Variants in TMTC1 observed in about 807,000 individuals in gnomAD.
TMTC1 encodes the protein transmembrane O-mannosyltransferase targeting cadherins 1, also known as protein O-mannosyl-transferase TMTC1.
TMTC1 carries 73 observed loss-of-function variants against 104.8 expected under a neutral mutation model. The observed-to-expected ratio is 0.70, with a 90% CI of 0.58 to 0.85. The LOEUF (loss-of-function observed/expected upper bound fraction) is 0.85, where lower values mean the gene tolerates loss of function less well. Ranked by LOEUF, TMTC1 falls within the 40% of genes least tolerant of loss-of-function variation. The pLI, the probability that TMTC1 is intolerant of heterozygous loss-of-function variation, is 0.00. For synonymous variants in TMTC1, 434 were observed against 428.7 expected (o/e 1.01, Z -0.15); for missense variants, 1,035 against 1,096.1 (o/e 0.94, Z 0.79).
At chr12:29,637,344 C>A (rs778786851) in intron 5 of TMTC1, among the ~76,000 whole-genome samples, 12 of 152,078 alleles carry the variant, frequency 7.9e-5, no homozygotes, top group Non-Finnish European at 1.5e-5. Context: ...ATCTCTGCCC[C>A]GCTGTGTTAT....
chr12:29,712,651 A>G (rs1473659340), intron 5 of TMTC1, among the ~76,000 whole-genome samples: 3 of 152,224 alleles, frequency 2.0e-5, no homozygotes, highest in Non-Finnish European at 4.4e-5. Context: ...CTGAATTCCC[A>G]TATTTCCTTC....
In TMTC1 at chr12:29,783,353, G is replaced by T; in HGVS notation, c.302+97C>A. 2 of 1,120,620 alleles carry T rather than the reference G, an allele frequency of 1.8e-6. No individual in the cohort carries two copies. Among genetic ancestry groups the T allele is most frequent in the Non-Finnish European group, 2.3e-6 (2 of 881,114 alleles). 69.4% of individuals were successfully genotyped at this position (1,120,620 alleles called of 1,614,324 possible). Reference sequence around the variant, plus strand: ...CGTGGAGGGAAAGGGCGGCAAAAATGAAATGCCCCCAAGTCAGTCCCGCAA... The same window carrying T: ...CGTGGAGGGAAAGGGCGGCAAAAATTAAATGCCCCCAAGTCAGTCCCGCAA... On this transcript the variant is annotated intron_variant, in intron 1 of 17. Coordinates refer to ENST00000539277, the MANE Select transcript of TMTC1 (RefSeq NM_001193451.2). The surrounding 1 kb of genome is among the most constrained non-coding windows in gnomAD (Gnocchi z 4.7).
intron 10 of TMTC1, among the ~76,000 whole-genome samples, chr12:29,536,640 GA>G (rs912910720): frequency 2.0e-5 from 3 of 152,190 alleles, no homozygotes; most frequent in Non-Finnish European, 4.4e-5. Flanking sequence ...TTGATCTTCA[GA>G]GGAACAATTT....
chr12:29,643,956 TA>T (rs2136563483), intron 5 of TMTC1, among the ~76,000 whole-genome samples: 1 of 113,406 alleles, frequency 8.8e-6, no homozygotes, highest in South Asian at 2.4e-4. Context: ...AATATATATT[TA>T]TATATACTTA....
chr12:29,509,786 T>C (rs762095840), intron 17 of TMTC1, among the ~76,000 whole-genome samples: 1 of 152,230 alleles, frequency 6.6e-6, no homozygotes, highest in Non-Finnish European at 1.5e-5. Flanking sequence ...TACTCAGCAC[T>C]AATTATATTT....
intron 16 of TMTC1, among the ~76,000 whole-genome samples, chr12:29,513,900 CAT>C (rs1290636902): frequency 5.9e-5 from 9 of 152,164 alleles, no homozygotes; most frequent in South Asian, 4.1e-4. Flanking sequence ...CACACACACA[CAT>C]ACGGGGGTTA....
At chr12:29,595,856 C>T (rs950686749) in intron 7 of TMTC1, among the ~76,000 whole-genome samples, 2 of 152,192 alleles carry the variant, frequency 1.3e-5, no homozygotes, top group African/African-American at 4.8e-5. Context: ...AAAGGAATAG[C>T]ATGAGAGGAA....
chr12:29,668,280 C>T (rs1166403476), intron 5 of TMTC1, among the ~76,000 whole-genome samples: 4 of 152,084 alleles, frequency 2.6e-5, no homozygotes, highest in African/African-American at 9.7e-5. Context: ...GCTGCATCCT[C>T]GCATGGCAGA....
At chr12:29,557,663 C>T (rs572734588) in intron 9 of TMTC1, among the ~76,000 whole-genome samples, 12 of 152,106 alleles carry the variant, frequency 7.9e-5, no homozygotes, top group East Asian at 5.8e-4. Context: ...TTGGCCAGGC[C>T]GGTCTCGAAC....
At chr12:29,659,351 A>G (rs1450753881) in intron 5 of TMTC1, among the ~76,000 whole-genome samples, 1 of 152,182 alleles carries the variant, frequency 6.6e-6, no homozygotes, top group Non-Finnish European at 1.5e-5. Context: ...AACCCTTATG[A>G]GTAGATTAAT....
At chr12:29,604,462 G>A (rs909313434) in intron 6 of TMTC1, among the ~76,000 whole-genome samples, 163 bp from the exon 7 acceptor site, 7 of 152,202 alleles carry the variant, frequency 4.6e-5, no homozygotes, top group Middle Eastern at 3.4e-3. Context: ...GAAAGCTGAC[G>A]GGCTAAAATG....
At chr12:29,613,966 G>T in intron 6 of TMTC1, 1 of 972,746 alleles carries the variant, frequency 1.0e-6, no homozygotes, top group Non-Finnish European at 1.2e-6. Flanking sequence ...CAGTCCCTTT[G>T]TTCTATAATC....
chr12:29,501,703 A>G lies in TMTC1; in HGVS notation c.*5143T>C, dbSNP rs527563745. ...AAATAGACATGTCTCTCCAGGTAGG[A>G]GTCAATGGTGATCTATGCTTACAAA... is the stretch of plus-strand genomic sequence containing the variant. On this transcript the variant is annotated 3_prime_UTR_variant, in exon 18 of 18. Coordinates refer to ENST00000539277, the MANE Select transcript of TMTC1 (RefSeq NM_001193451.2). 6.6e-6 allele frequency: 1 copy of G among 152,348 alleles called. No homozygotes were observed. Among genetic ancestry groups the G allele is most frequent in the South Asian group, 2.1e-4 (1 of 4,822 alleles). 9.4% of individuals were successfully genotyped at this position (152,348 alleles called of 1,614,324 possible).
At position 29,606,976 on chromosome 12, in the gene TMTC1, C is replaced by G. The variant is rs556449148; in HGVS notation, c.1129-2677G>C. On this transcript the variant is annotated intron_variant, in intron 6 of 17. Coordinates refer to ENST00000539277, the MANE Select transcript of TMTC1 (RefSeq NM_001193451.2). Reference sequence around the variant, plus strand: ...TGGGAGCACAGCCAACCTTCCTGCCCCCCCCCCTCACTCACGGACACCCGT... The same window carrying G: ...TGGGAGCACAGCCAACCTTCCTGCCGCCCCCCCTCACTCACGGACACCCGT... Among the ~76,000 whole-genome samples the G allele has an allele frequency of 7.2e-4, 42 of 58,696 alleles. 1 individual carries two copies. The highest frequency in any genetic ancestry group is 1.9e-3 in the African/African-American group (35 of 18,884). 38.5% of individuals were successfully genotyped at this position (58,696 alleles called of 152,430 possible).
At position 29,503,091 on chromosome 12, in the gene TMTC1, C is replaced by T. The variant is rs1040919832; in HGVS notation, c.*3755G>A. 1.3e-5 allele frequency: 2 copies of T among 152,164 alleles called. No individual in the cohort carries two copies. Among genetic ancestry groups the T allele is most frequent in the South Asian group, 2.1e-4 (1 of 4,830 alleles). The allele number at this position is 152,164 out of a possible 1,614,324, so 9.4% of individuals were successfully genotyped here. A position where few individuals can be genotyped will look rare whatever the true frequency, so the allele number is the denominator to read the frequency against. Reference sequence around the variant, plus strand: ...ATTTAGTCTGACTGAAAGGCCGTTGCGCAGAGGCATTCGCACAACTGCTGC... The same window carrying T: ...ATTTAGTCTGACTGAAAGGCCGTTGTGCAGAGGCATTCGCACAACTGCTGC... On this transcript the variant is annotated 3_prime_UTR_variant, in exon 18 of 18. Transcript: ENST00000539277.
intron 5 of TMTC1, among the ~76,000 whole-genome samples, chr12:29,718,378 C>T (rs1458127034): frequency 5.9e-5 from 9 of 152,242 alleles, no homozygotes; most frequent in African/African-American, 2.2e-4. Flanking sequence ...TCCAGAGCAG[C>T]CTTGATAACT....
chr12:29,699,199 A>G (rs1425110825), intron 5 of TMTC1, among the ~76,000 whole-genome samples: 1 of 152,214 alleles, frequency 6.6e-6, no homozygotes, highest in Non-Finnish European at 1.5e-5. Flanking sequence ...AGGATAGGTA[A>G]CAGTTGTGCA....
At chr12:29,707,209 C>T (rs939659050) in intron 5 of TMTC1, among the ~76,000 whole-genome samples, 1 of 152,096 alleles carries the variant, frequency 6.6e-6, no homozygotes, top group African/African-American at 2.4e-5. Flanking sequence ...TCACTCAAGC[C>T]CCTTCCTTGG....
At chr12:29,729,841 A>G (rs1345202488) in intron 5 of TMTC1, among the ~76,000 whole-genome samples, 1 of 152,208 alleles carries the variant, frequency 6.6e-6, no homozygotes, top group East Asian at 1.9e-4. Flanking sequence ...AGTAAAATAA[A>G]AAGGACAAGA....
Sources: allele counts gnomAD v4.1 joint callset (sites outside exome capture counted in the v4.1 genomes callset), GRCh38; gene constraint gnomAD v4.1.1; non-coding constraint Gnocchi (gnomAD v3.1); transcripts MANE v1.5; gene names NCBI Gene and HGNC (gene_info 2026-07-23, HGNC 2026-07-21).